Variants in MRAP2 observed in about 807,000 individuals in gnomAD.
MRAP2 encodes the protein melanocortin-2 receptor accessory protein 2.
A neutral mutation model predicts 17.4 loss-of-function variants in MRAP2; 20 were observed. The observed-to-expected ratio is 1.15, with a 90% CI of 0.81 to 1.67. The LOEUF is 1.67. Among genes scored for constraint, MRAP2 ranks in the 40% most tolerant of loss-of-function variants. The pLI is 0.00. For synonymous variants in MRAP2, 96 were observed against 88.4 expected, an observed-to-expected ratio of 1.09 and a Z score of -0.48; for missense variants, 238 against 240.0, an observed-to-expected ratio of 0.99 and a Z score of 0.05.
At chr6:84,048,994 C>A (rs1342854037) in intron 1 of MRAP2, among the ~76,000 whole-genome samples, 2 of 152,158 alleles carry the variant, frequency 1.3e-5, no homozygotes, top group Admixed American at 6.5e-5. Context: ...CTCTTCTCTT[C>A]TCTGGAAATT....
intron 2 of MRAP2, chr6:84,061,951 A>G: frequency 1.0e-6 from 1 of 985,460 alleles, no homozygotes; most frequent in South Asian, 4.7e-5. Context: ...TGATTAAAGC[A>G]GGTTTGTACA....
At chr6:84,033,652 G>A (rs2099485105), upstream of MRAP2, 1 of 980,640 alleles carries the variant, frequency 1.0e-6, no homozygotes, top group South Asian at 4.7e-5. Flanking sequence ...CCTCGCGCTG[G>A]GGAGGCGGCT....
chr6:84,124,504 T>TTA, the MRAP2 span: 3 of 153,002 alleles, frequency 2.0e-5, no homozygotes, highest in Admixed American at 2.0e-4. Flanking sequence ...ATATTCTCAC[T>TTA]TAAAAGTAGG....
chr6:84,071,632 G>A (rs1002122477), intron 3 of MRAP2, among the ~76,000 whole-genome samples: 1 of 152,118 alleles, frequency 6.6e-6, no homozygotes, highest in South Asian at 2.1e-4. Context: ...TAGGTCTCTA[G>A]GAAGGCTGGG....
At chr6:84,057,131 C>T (rs754946279) in intron 2 of MRAP2, among the ~76,000 whole-genome samples, 2 of 152,060 alleles carry the variant, frequency 1.3e-5, no homozygotes, top group African/African-American at 4.8e-5. Flanking sequence ...ACATTGAGAA[C>T]AAAAAATAAA....
At chr6:84,140,348 T>C in the MRAP2 span, among the ~76,000 whole-genome samples, 1 of 152,176 alleles carries the variant, frequency 6.6e-6, no homozygotes. Flanking sequence ...GAGGTGTCTC[T>C]GTGGGAGGCT....
intron 2 of MRAP2, chr6:84,062,065 G>A (rs1468767476): frequency 5.1e-6 from 5 of 985,308 alleles, no homozygotes; most frequent in South Asian, 4.7e-5. Flanking sequence ...CATGGTGAAC[G>A]TAAGTGAGAA....
intron 3 of MRAP2, among the ~76,000 whole-genome samples, chr6:84,072,893 A>C (rs1588650077): frequency 6.6e-6 from 1 of 152,118 alleles, no homozygotes; most frequent in East Asian, 1.9e-4. Flanking sequence ...CAGCTCCCAT[A>C]CAAATCGAAG....
intron 1 of MRAP2, 109 bp downstream of exon 1, chr6:84,033,992 CTTTAG>C (rs2099485266): frequency 2.3e-6 from 2 of 855,488 alleles, no homozygotes; most frequent in South Asian, 5.3e-5. Context: ...TGGGGGCAGT[CTTTAG>C]TTTAGAGGGG....
At chr6:84,037,884 C>T (rs914231381) in intron 1 of MRAP2, among the ~76,000 whole-genome samples, 3 of 152,170 alleles carry the variant, frequency 2.0e-5, no homozygotes, top group African/African-American at 7.2e-5. Flanking sequence ...CAGAGAGGGG[C>T]TCCCACAGTG....
intron 1 of MRAP2, among the ~76,000 whole-genome samples, chr6:84,043,672 T>G (rs1588622327): frequency 5.0e-5 from 6 of 119,204 alleles, no homozygotes; most frequent in South Asian, 2.6e-4. Flanking sequence ...GGGTGTGGGG[T>G]GAGTGGGTGG....
At chr6:84,132,273 C>T in the MRAP2 span, among the ~76,000 whole-genome samples, 1,154 of 152,288 alleles carry the variant, frequency 7.6e-3, 18 homozygotes, top group African/African-American at 0.026. Flanking sequence ...CTGCCTTTAA[C>T]ATTTTTTTCC....
At chr6:84,125,933 C>G in the MRAP2 span, among the ~76,000 whole-genome samples, 1 of 152,134 alleles carries the variant, frequency 6.6e-6, no homozygotes, top group African/African-American at 2.4e-5. Context: ...ACACATCATG[C>G]CCTTACATCT....
the MRAP2 span, among the ~76,000 whole-genome samples, chr6:84,135,600 C>T: frequency 2.2e-4 from 34 of 151,760 alleles, no homozygotes; most frequent in African/African-American, 7.3e-4. Flanking sequence ...TGGTGGCTCA[C>T]GCCTGTAATC....
intron 1 of MRAP2, chr6:84,052,689 C>G (rs556203624): frequency 1.1e-5 from 3 of 280,978 alleles, no homozygotes; most frequent in African/African-American, 4.6e-5. Flanking sequence ...GACAAATGCC[C>G]CTCCTTTTGT....
At chr6:84,118,954 T>G in the MRAP2 span, among the ~76,000 whole-genome samples, 1 of 152,338 alleles carries the variant, frequency 6.6e-6, no homozygotes, top group South Asian at 2.1e-4. Flanking sequence ...TTTTCTCCAT[T>G]GTGTGTTCTT....
At chr6:84,097,676 A>G in the MRAP2 span, among the ~76,000 whole-genome samples, 4 of 152,162 alleles carry the variant, frequency 2.6e-5, no homozygotes, top group Non-Finnish European at 2.9e-5. Context: ...AAAAGACTCT[A>G]CTAACTCTAA....
chr6:84,137,859 G>A, the MRAP2 span, among the ~76,000 whole-genome samples: 43 of 152,236 alleles, frequency 2.8e-4, no homozygotes, highest in Non-Finnish European at 5.1e-4. Flanking sequence ...ACATGCCTGA[G>A]TTAGCATCAA....
In MRAP2 at chr6:84,074,191, T is replaced by G. The variant is rs543496855; in HGVS notation, c.227+11199T>G. ...GCGTTATATCTACACTTTCAAAATGTTGCCTTATTCTATCCCAGCTTCACC... is the reference window on the plus strand; with the variant it reads ...GCGTTATATCTACACTTTCAAAATGGTGCCTTATTCTATCCCAGCTTCACC... On this transcript the variant is annotated intron_variant, in intron 3 of 3. Transcript: ENST00000257776. 1.9e-4 allele frequency among the ~76,000 whole-genome samples: 29 copies of G among 152,334 alleles called. No homozygotes were observed. The South Asian group carries it at 5.0e-3, about 26-fold the overall frequency.
Sources: allele counts gnomAD v4.1 joint callset (sites outside exome capture counted in the v4.1 genomes callset), GRCh38; gene constraint gnomAD v4.1.1; transcripts MANE v1.5; gene names NCBI Gene and HGNC (gene_info 2026-07-23, HGNC 2026-07-21).